Variants in STAC observed in about 807,000 individuals in gnomAD.
The protein encoded by STAC is SH3 and cysteine-rich domain-containing protein.
STAC carries 43 observed loss-of-function variants against 48.8 expected under a neutral mutation model. The ratio of observed to expected loss-of-function variants is 0.88; its 90% CI spans 0.69 to 1.14. The LOEUF (loss-of-function observed/expected upper bound fraction) is 1.14, where lower values mean the gene tolerates loss of function less well. Ranked by LOEUF, STAC falls within the 50% of genes most tolerant of loss-of-function variation. The pLI is 0.00. For missense variants in STAC, 497 were observed against 504.0 expected, an observed-to-expected ratio of 0.99 and a Z score of 0.13; for synonymous variants, 193 against 179.5, an observed-to-expected ratio of 1.07 and a Z score of -0.60.
intron 8 of STAC, among the ~76,000 whole-genome samples, chr3:36,517,316 G>A (rs935545096): frequency 5.9e-5 from 9 of 152,048 alleles, no homozygotes; most frequent in Non-Finnish European, 1.2e-4. Context: ...ACACTTTATG[G>A]ACTGCCAGTT....
intron 6 of STAC, among the ~76,000 whole-genome samples, chr3:36,493,732 T>C (rs956041127): frequency 6.6e-6 from 1 of 152,172 alleles, no homozygotes; most frequent in Non-Finnish European, 1.5e-5. Flanking sequence ...AAAACTGATA[T>C]GTACAATCCA....
chr3:36,436,734 T>C (rs901836537), intron 1 of STAC, among the ~76,000 whole-genome samples: 2 of 152,196 alleles, frequency 1.3e-5, no homozygotes, highest in African/African-American at 4.8e-5. Context: ...ATTATCTACC[T>C]ATAATCTATC....
At chr3:36,525,913 G>A (rs968179866) in intron 8 of STAC, among the ~76,000 whole-genome samples, 1 of 152,196 alleles carries the variant, frequency 6.6e-6, no homozygotes, top group African/African-American at 2.4e-5. Flanking sequence ...GACAGCAAAG[G>A]AGATTGGATC....
Position 36,528,730 on chromosome 3 carries a change from A to C in STAC, c.955A>C (p.Asn319His). 6.2e-7 allele frequency: 1 copy of C among 1,607,362 alleles called. No individual in the cohort carries two copies. Among genetic ancestry groups the C allele is most frequent in the Non-Finnish European group, 8.5e-7 (1 of 1,177,372 alleles). The change falls in exon 9 of 11, where the codon AAT (asparagine) becomes CAT (histidine). Residue 319 changes from asparagine (N) to histidine (H), a missense_variant. Asn to His is a moderately conservative substitution (Grantham distance 68). Coordinates refer to ENST00000273183, the MANE Select transcript of STAC (RefSeq NM_003149.3). ...GDIITLLEDS[N>H]EDWWKGKIQD... ...CATAATTACTCTTTTAGAGGATTCC[A>C]ATGAAGACTGGTGGAAAGTAAGTGT...
chr3:36,517,405 T>TG (rs1411577659), intron 8 of STAC, among the ~76,000 whole-genome samples: 5 of 152,216 alleles, frequency 3.3e-5, no homozygotes, highest in Non-Finnish European at 7.3e-5. Context: ...ATCCCAGCAC[T>TG]GTGGGAGGCC....
intron 1 of STAC, among the ~76,000 whole-genome samples, chr3:36,425,958 T>G (rs58618741): frequency 0.023 from 3,529 of 152,146 alleles, 60 homozygotes; most frequent in Non-Finnish European, 0.026. Context: ...TGGAGCCCGG[T>G]GGGGCAGAGG....
intron 6 of STAC, among the ~76,000 whole-genome samples, chr3:36,500,950 G>A (rs776604394): frequency 5.3e-5 from 8 of 151,976 alleles, no homozygotes; most frequent in Non-Finnish European, 1.0e-4. Flanking sequence ...AAAATTAGCC[G>A]GGCAGGGTGG....
intron 1 of STAC, among the ~76,000 whole-genome samples, chr3:36,438,838 G>A (rs918482378): frequency 3.9e-5 from 6 of 152,184 alleles, no homozygotes; most frequent in Non-Finnish European, 8.8e-5. Context: ...ATGTGTGTAA[G>A]CATCCTCCCC....
intron 10 of STAC, among the ~76,000 whole-genome samples, chr3:36,545,395 C>A (rs1699421993): frequency 1.3e-5 from 2 of 152,234 alleles, no homozygotes; most frequent in South Asian, 4.1e-4. Flanking sequence ...TTCCCACCTC[C>A]TGAGAGCACC....
intron 2 of STAC, among the ~76,000 whole-genome samples, chr3:36,469,263 G>A (rs552765012): frequency 1.3e-5 from 2 of 152,238 alleles, no homozygotes; most frequent in African/African-American, 4.8e-5. Flanking sequence ...CCTTTTAGCA[G>A]TTCTTGCAGT....
intron 1 of STAC, among the ~76,000 whole-genome samples, chr3:36,387,843 A>G (rs1699650610): frequency 6.6e-6 from 1 of 152,108 alleles, no homozygotes; most frequent in South Asian, 2.1e-4. Context: ...TCTTATGGGT[A>G]TATAACCAGA....
intron 1 of STAC, among the ~76,000 whole-genome samples, chr3:36,383,779 G>T (rs763066400): frequency 3.5e-4 from 54 of 152,290 alleles, no homozygotes; most frequent in Middle Eastern, 3.4e-3. Flanking sequence ...TTCACAAAGG[G>T]TCTATAGCTT....
At chr3:36,419,612 C>T (rs1207937849) in intron 1 of STAC, among the ~76,000 whole-genome samples, 5 of 152,178 alleles carry the variant, frequency 3.3e-5, no homozygotes, top group East Asian at 1.9e-4. Flanking sequence ...GGGAATTCAA[C>T]GGGCTTGAAG....
chr3:36,456,563 C>T (rs143201251), intron 2 of STAC, among the ~76,000 whole-genome samples: 1 of 152,262 alleles, frequency 6.6e-6, no homozygotes, highest in African/African-American at 2.4e-5. Flanking sequence ...GTGGGCCTCC[C>T]TGCTGTCTGG....
chr3:36,497,363 CT>C (rs1223847407), intron 6 of STAC, among the ~76,000 whole-genome samples: 5 of 151,974 alleles, frequency 3.3e-5, no homozygotes, highest in Non-Finnish European at 2.9e-5. Flanking sequence ...AAGAATTGTT[CT>C]AAAAAAAATT....
At chr3:36,400,177 C>G (rs1208579116) in intron 1 of STAC, among the ~76,000 whole-genome samples, 1 of 152,166 alleles carries the variant, frequency 6.6e-6, no homozygotes, top group Non-Finnish European at 1.5e-5. Context: ...ATTCAGGTCA[C>G]CTGACTCCCA....
chr3:36,443,527 T>C lies in STAC; in HGVS notation c.275T>C (p.Leu92Pro). The C allele has an allele frequency of 6.2e-7, 1 of 1,614,214 alleles. No homozygotes were observed. The highest frequency in any genetic ancestry group is 8.5e-7 in the Non-Finnish European group (1 of 1,180,030). The change falls in exon 2 of 11, where the codon CTG (leucine) becomes CCG (proline). Residue 92 changes from leucine to proline, a missense_variant. Leu to Pro is a moderately conservative substitution (Grantham distance 98). Transcript: ENST00000273183. The surrounding 1 kb of genome is among the most constrained non-coding windows in gnomAD (Gnocchi z 4.2). The part of the protein sequence containing the change: ...SSSPLPAPGS[L>P]TSTPARAGLH... The stretch of plus-strand genomic sequence containing the variant: ...AGCCCACTCCCTGCTCCAGGAAGCC[T>C]GACGTCCACACCCGCCAGGGCTGGT...
chr3:36,477,336 T>C (rs1417808251), intron 2 of STAC, among the ~76,000 whole-genome samples: 1 of 152,222 alleles, frequency 6.6e-6, no homozygotes, highest in Non-Finnish European at 1.5e-5. Context: ...ATCTCAATAG[T>C]AAATCACCAT....
At chr3:36,486,059 C>A (rs1697801814) in intron 4 of STAC, 75 bp from the exon 5 acceptor site, 1 of 1,130,304 alleles carries the variant, frequency 8.8e-7, no homozygotes, top group Non-Finnish European at 1.3e-6. Context: ...CGCTGTTCAC[C>A]CAGGAGATGT....
Sources: allele counts gnomAD v4.1 joint callset (sites outside exome capture counted in the v4.1 genomes callset), GRCh38; gene constraint gnomAD v4.1.1; non-coding constraint Gnocchi (gnomAD v3.1); transcripts MANE v1.5; gene names NCBI Gene and HGNC (gene_info 2026-07-23, HGNC 2026-07-21).